GPM6B: variants seen among roughly 807,000 people sequenced by gnomAD.
The protein encoded by GPM6B is glycoprotein M6B, also known as neuronal membrane glycoprotein M6-b.
In GPM6B, 4 loss-of-function variants were observed where a neutral mutation model predicts 27.2. That is an observed-to-expected ratio of 0.15 (90% CI 0.07 to 0.34). GPM6B has a LOEUF of 0.34. Among genes scored for constraint, GPM6B ranks in the 10% least tolerant of loss-of-function variants. The pLI, the probability that GPM6B is intolerant of heterozygous loss-of-function variation, is 1.00. For synonymous variants in GPM6B, 124 were observed against 103.1 expected, an observed-to-expected ratio of 1.20 and a Z score of -1.23; for missense variants, 183 against 261.9, an observed-to-expected ratio of 0.70 and a Z score of 2.08.
chrX:13,859,715 G>C (rs982122699), intron 1 of GPM6B, among the ~76,000 whole-genome samples: 5 of 111,285 alleles, frequency 4.5e-5, no homozygotes, highest in African/African-American at 1.6e-4. Flanking sequence ...GGAAGTGGAG[G>C]AGTCCGGATT....
At chrX:13,780,023 T>C in intron 4 of GPM6B, 34 bp from the exon 5 acceptor site, 2 of 1,115,577 alleles carry the variant, frequency 1.8e-6, no homozygotes, top group East Asian at 3.0e-5. Flanking sequence ...CAATCATCAC[T>C]GAAACAGGTA....
intron 1 of GPM6B, among the ~76,000 whole-genome samples, chrX:13,864,250 G>A (rs1402422586): frequency 1.8e-5 from 2 of 112,922 alleles, no homozygotes; most frequent in African/African-American, 6.4e-5. Context: ...ATAAATCAGC[G>A]AAATAGATCT....
At chrX:13,875,257 AAT>A (rs1477503432) in intron 1 of GPM6B, among the ~76,000 whole-genome samples, 1 of 111,226 alleles carries the variant, frequency 9.0e-6, no homozygotes, top group Non-Finnish European at 1.9e-5. Context: ...ACCCCAGATG[AAT>A]ATATGAGGAG....
At chrX:13,856,522 G>T (rs2049781643) in intron 1 of GPM6B, among the ~76,000 whole-genome samples, 1 of 111,594 alleles carries the variant, frequency 9.0e-6, no homozygotes, top group African/African-American at 3.3e-5. Context: ...AGCAAAGAAT[G>T]CTATTTTTAA....
chrX:13,903,645 C>T (rs1336970276), intron 1 of GPM6B, among the ~76,000 whole-genome samples: 5 of 112,232 alleles, frequency 4.5e-5, no homozygotes, highest in Non-Finnish European at 9.4e-5. Context: ...TCATCCAACA[C>T]CAATGCGTTA....
At chrX:13,826,425 C>T (rs1034966143) in intron 1 of GPM6B, among the ~76,000 whole-genome samples, 3 of 111,442 alleles carry the variant, frequency 2.7e-5, no homozygotes, top group African/African-American at 9.8e-5. Context: ...AGTTTCTGGC[C>T]GGGTACAGTG....
intron 1 of GPM6B, among the ~76,000 whole-genome samples, chrX:13,842,660 C>T (rs2049591899): frequency 9.0e-6 from 1 of 111,128 alleles, no homozygotes; most frequent in Non-Finnish European, 1.9e-5. Context: ...GGGAGGATTG[C>T]TTGAGGCCAG....
chrX:13,870,706 A>G (rs1481258401), intron 1 of GPM6B, among the ~76,000 whole-genome samples: 1 of 112,444 alleles, frequency 8.9e-6, no homozygotes, highest in African/African-American at 3.2e-5. Flanking sequence ...TTTAAAAAGT[A>G]TACAATGAAC....
intron 1 of GPM6B, among the ~76,000 whole-genome samples, chrX:13,856,713 T>A (rs1353697452): frequency 1.1e-4 from 12 of 107,985 alleles, no homozygotes; most frequent in African/African-American, 3.7e-4. Context: ...TATTATTTTT[T>A]TTTTTTGACA....
intron 1 of GPM6B, among the ~76,000 whole-genome samples, chrX:13,850,964 G>C (rs28368865): frequency 0.019 from 2,079 of 110,119 alleles, 69 homozygotes; most frequent in African/African-American, 0.065. Flanking sequence ...AGGAGTTCAA[G>C]ACCAGCCTGG....
At chrX:13,815,964 TG>T (rs1470303016) in intron 1 of GPM6B, among the ~76,000 whole-genome samples, 2 of 112,090 alleles carry the variant, frequency 1.8e-5, no homozygotes, top group Non-Finnish European at 3.8e-5. Flanking sequence ...AATATGTTTT[TG>T]GGCATTTATG....
chrX:13,932,393 T>C (rs1198834391), intron 1 of GPM6B, among the ~76,000 whole-genome samples: 2 of 112,581 alleles, frequency 1.8e-5, no homozygotes, highest in Non-Finnish European at 3.7e-5. Flanking sequence ...CCCGCTTTTT[T>C]CCTCAGACAG....
chrX:13,817,296 T>C (rs1173690413), upstream of GPM6B: 16 of 768,610 alleles, frequency 2.1e-5, no homozygotes, highest in East Asian at 4.4e-4. Flanking sequence ...AAGATCTCAA[T>C]CTCGATCTCT....
intron 1 of GPM6B, among the ~76,000 whole-genome samples, chrX:13,904,282 C>CA (rs1462415505): frequency 2.7e-5 from 3 of 111,866 alleles, no homozygotes; most frequent in African/African-American, 9.7e-5. Context: ...GAGATACCTG[C>CA]AATAACTGTA....
chrX:13,852,682 C>G (rs763575295), intron 1 of GPM6B, among the ~76,000 whole-genome samples: 114 of 111,246 alleles, frequency 1.0e-3, no homozygotes, highest in African/African-American at 3.5e-3. Context: ...GTGAATGTAC[C>G]CTCAGAGACT....
intron 1 of GPM6B, among the ~76,000 whole-genome samples, chrX:13,898,734 T>C (rs1411257437): frequency 8.9e-6 from 1 of 112,011 alleles, no homozygotes; most frequent in Non-Finnish European, 1.9e-5. Context: ...TATTTCTTTA[T>C]ATAGAGAAAC....
chrX:13,843,029 C>T (rs191935663), intron 1 of GPM6B, among the ~76,000 whole-genome samples: 35 of 110,999 alleles, frequency 3.2e-4, no homozygotes, highest in Non-Finnish European at 5.7e-4. Context: ...ACTGTTAACA[C>T]GATCTAATTT....
chrX:13,804,427 G>A (rs777330695), intron 2 of GPM6B, among the ~76,000 whole-genome samples: 2 of 74,532 alleles, frequency 2.7e-5, no homozygotes, highest in African/African-American at 5.3e-5. Flanking sequence ...CGGGGGGGGC[G>A]GGGGGCGGGG....
chrX:13,842,380 T>C (rs60382166), intron 1 of GPM6B, among the ~76,000 whole-genome samples: 1 of 111,827 alleles, frequency 8.9e-6, no homozygotes, highest in East Asian at 2.8e-4. Flanking sequence ...TTTGGCGAAA[T>C]ATATCATAAA....
Sources: gnomAD v4.1 joint callset for allele counts (sites outside exome capture counted in the v4.1 genomes callset) on GRCh38, gnomAD v4.1.1 for gene constraint, MANE v1.5 for transcripts, NCBI Gene and HGNC (gene_info 2026-07-23, HGNC 2026-07-21) for gene names.